Variants in NEK6 observed in about 807,000 individuals in gnomAD.
NEK6 encodes NIMA related kinase 6, also known as serine/threonine-protein kinase Nek6.
In NEK6, 27 loss-of-function variants were observed where a neutral mutation model predicts 43.5. The observed-to-expected ratio is 0.62, with a 90% confidence interval of 0.46 to 0.86. The LOEUF (loss-of-function observed/expected upper bound fraction) is 0.86, where lower values mean the gene tolerates loss of function less well. NEK6 is among the 40% of genes least tolerant of loss of function. The pLI, the probability that NEK6 is intolerant of heterozygous loss-of-function variation, is 0.00. For synonymous variants in NEK6, 167 were observed against 164.1 expected (o/e 1.02, Z -0.14); for missense variants, 318 against 414.4 (o/e 0.77, Z 2.02).
chr9:124,349,250 A>G (rs1830123885), intron 9 of NEK6, among the ~76,000 whole-genome samples: 1 of 152,232 alleles, frequency 6.6e-6, no homozygotes, highest in Non-Finnish European at 1.5e-5. Context: ...AACAAGTTGC[A>G]TCTCTTTACA....
Position 124,281,487 on chromosome 9 carries a change from CTTTT to C in NEK6, c.-29-20422_-29-20419del, listed in dbSNP as rs759381068. ...CTACTTTCCATGTCAGCTGTTTTTT[CTTTT>C]TTTTTTTTTTTTTTTTTTTTTTTTT... On this transcript the variant is annotated intron_variant, in intron 1 of 9. Transcript: ENST00000320246. Among the ~76,000 whole-genome samples the C allele has an allele frequency of 1.0e-3, 108 of 102,948 alleles. 1 individual carries two copies. Among genetic ancestry groups the C allele is most frequent in the Middle Eastern group, 5.9e-3 (1 of 170 alleles). 67.5% of individuals were successfully genotyped at this position (102,948 alleles called of 152,430 possible).
chr9:124,350,550 G>C (rs1204552640), intron 9 of NEK6, among the ~76,000 whole-genome samples: 1 of 152,078 alleles, frequency 6.6e-6, no homozygotes, highest in Non-Finnish European at 1.5e-5. Context: ...CAATGGTGTG[G>C]ACAGCTACAA....
At chr9:124,292,946 C>A in intron 1 of NEK6, 1 of 1,568,486 alleles carries the variant, frequency 6.4e-7, no homozygotes, top group Non-Finnish European at 8.6e-7. Context: ...AGGAGATGCC[C>A]AGGAGAGAAG....
chr9:124,319,123 T>TAC (rs1412985331), intron 4 of NEK6, among the ~76,000 whole-genome samples: 1 of 152,134 alleles, frequency 6.6e-6, no homozygotes, highest in East Asian at 1.9e-4. Context: ...TAGCTGTGAC[T>TAC]ACAGGCACCT....
intron 1 of NEK6, among the ~76,000 whole-genome samples, chr9:124,281,744 C>T (rs1175064605): frequency 1.3e-5 from 2 of 152,302 alleles, no homozygotes; most frequent in Middle Eastern, 3.4e-3. Context: ...GGTGATCTGC[C>T]TACCTCGGCC....
intron 1 of NEK6, among the ~76,000 whole-genome samples, chr9:124,296,409 G>A (rs893026771): frequency 9.9e-5 from 15 of 152,176 alleles, no homozygotes; most frequent in African/African-American, 2.9e-4. Flanking sequence ...CCAAGGCCAG[G>A]AGTGGGTTCT....
intron 7 of NEK6, 100 bp downstream of exon 7, chr9:124,327,545 C>A: frequency 1.1e-6 from 1 of 890,814 alleles, no homozygotes. Flanking sequence ...TCAGTTAGTG[C>A]AGGAAGATGC....
intron 1 of NEK6, among the ~76,000 whole-genome samples, chr9:124,298,047 A>G (rs1832780258): frequency 6.6e-6 from 1 of 152,192 alleles, no homozygotes; most frequent in African/African-American, 2.4e-5. Context: ...AGTCACTGAG[A>G]TCTGGATTTG....
intron 4 of NEK6, among the ~76,000 whole-genome samples, chr9:124,316,935 G>T (rs1266561510): frequency 6.6e-6 from 1 of 152,234 alleles, no homozygotes; most frequent in Admixed American, 6.5e-5. Context: ...CTGGACTGCT[G>T]ATGACCTGGG....
intron 1 of NEK6, among the ~76,000 whole-genome samples, chr9:124,297,521 G>T (rs1040381601): frequency 6.6e-6 from 1 of 152,206 alleles, no homozygotes; most frequent in African/African-American, 2.4e-5. Flanking sequence ...GGTGCCTGGG[G>T]ACACACAGCA....
intron 7 of NEK6, among the ~76,000 whole-genome samples, chr9:124,330,390 G>A (rs1032587504): frequency 2.6e-5 from 4 of 152,186 alleles, no homozygotes; most frequent in South Asian, 2.1e-4. Context: ...TCCGAGCAAC[G>A]GCAGCAGCTG....
chr9:124,338,421 C>G (rs955367582), intron 7 of NEK6, among the ~76,000 whole-genome samples: 3 of 152,204 alleles, frequency 2.0e-5, no homozygotes, highest in African/African-American at 7.2e-5. Context: ...TAGTTTGTCT[C>G]TTATGTACTG....
intron 1 of NEK6, chr9:124,261,456 T>TG: frequency 4.1e-6 from 4 of 985,498 alleles, no homozygotes; most frequent in Non-Finnish European, 4.8e-6. Context: ...GGGCAGGCAC[T>TG]GCCAGGCTTG....
At chr9:124,291,312 TAGAA>T (rs900946814) in intron 1 of NEK6, among the ~76,000 whole-genome samples, 2 of 151,848 alleles carry the variant, frequency 1.3e-5, no homozygotes, top group Non-Finnish European at 2.9e-5. Context: ...AAGGAGAGAA[TAGAA>T]AGGGTTAAGC....
intron 1 of NEK6, chr9:124,292,904 A>G (rs778028132): frequency 6.7e-7 from 1 of 1,498,430 alleles, no homozygotes; most frequent in Admixed American, 2.4e-5. Flanking sequence ...TGGAGCTGGG[A>G]GTGACGGGGT....
rs1453638023 is a variant in NEK6, at chr9:124,343,244, C to T, written c.717+3579C>T. On this transcript the variant is annotated intron_variant, in intron 8 of 9. Coordinates refer to ENST00000320246, the MANE Select transcript of NEK6 (RefSeq NM_014397.6). This position sits in a 1 kb window ranked among gnomAD's most constrained non-coding sequence, Gnocchi z 5.1. ...CCACAGCCGGGGGGCGGTGAGGGGACGGATCGCAGCCGGGGGGTGGTACGG... is the reference window on the plus strand; with the variant it reads ...CCACAGCCGGGGGGCGGTGAGGGGATGGATCGCAGCCGGGGGGTGGTACGG... 1.1e-5 allele frequency among the ~76,000 whole-genome samples: 1 copy of T among 92,680 alleles called. No homozygotes were observed. The highest frequency in any genetic ancestry group is 3.1e-4 in the East Asian group (1 of 3,212). The allele number at this position is 92,680 out of a possible 152,430, so 60.8% of individuals were successfully genotyped here.
At chr9:124,338,946 G>A (rs948959698) in intron 7 of NEK6, among the ~76,000 whole-genome samples, 63 of 818 alleles carry the variant, frequency 0.077, no homozygotes, top group South Asian at 0.3. Flanking sequence ...TCCCCCAGCC[G>A]GGCCGAGGAG....
In NEK6 at chr9:124,347,689, G is replaced by C; in HGVS notation, c.718-20G>C. On this transcript the variant is annotated intron_variant, in intron 8 of 9. Transcript: ENST00000320246. Reference sequence around the variant, plus strand: ...GCCTTGAGGCCGAAAGCTTATCTTCGTTGTTCCCGTCCCTTGCAGATGGCA... The same window carrying C: ...GCCTTGAGGCCGAAAGCTTATCTTCCTTGTTCCCGTCCCTTGCAGATGGCA... 6.7e-7 allele frequency: 1 copy of C among 1,498,414 alleles called. No individual in the cohort carries two copies. Among genetic ancestry groups the C allele is most frequent in the Middle Eastern group, 1.7e-4 (1 of 5,750 alleles). The allele number at this position is 1,498,414 out of a possible 1,614,324, so 92.8% of individuals were successfully genotyped here. A position where few individuals can be genotyped will look rare whatever the true frequency, so the allele number is the denominator to read the frequency against.
intron 2 of NEK6, 88 bp from the exon 3 acceptor site, chr9:124,312,421 G>T: frequency 2.8e-6 from 4 of 1,407,830 alleles, no homozygotes; most frequent in Non-Finnish European, 3.8e-6. Flanking sequence ...CTTAGAGGGT[G>T]CTGTTGGGGT....
Sources: allele counts gnomAD v4.1 joint callset (sites outside exome capture counted in the v4.1 genomes callset), GRCh38; gene constraint gnomAD v4.1.1; non-coding constraint Gnocchi (gnomAD v3.1); transcripts MANE v1.5; gene names NCBI Gene and HGNC (gene_info 2026-07-23, HGNC 2026-07-21).